TPP2: variants seen among roughly 807,000 people sequenced by gnomAD.
TPP2 encodes the protein tripeptidyl-peptidase 2.
Under a neutral mutation model 155.9 loss-of-function variants are expected in TPP2, and 34 were observed. That is an observed-to-expected ratio of 0.22 (90% CI 0.17 to 0.29). TPP2 has a LOEUF of 0.29. Ranked by LOEUF, TPP2 falls within the 10% of genes least tolerant of loss-of-function variation. The probability of loss-of-function intolerance (pLI) is 1.00; values close to 1 mark genes in which losing one functional copy is unlikely to be tolerated. For synonymous variants in TPP2, 510 were observed against 529.4 expected (o/e 0.96, Z 0.50); for missense variants, 1,028 against 1,522.3 (o/e 0.68, Z 5.40).
chr13:102,603,896 G>A (rs1879617098), intron 1 of TPP2, among the ~76,000 whole-genome samples: 1 of 152,172 alleles, frequency 6.6e-6, no homozygotes, highest in South Asian at 2.1e-4. Flanking sequence ...CCTCATGGAG[G>A]CAAGAGATGG....
At chr13:102,616,279 T>C in intron 3 of TPP2, 117 bp from the exon 4 acceptor site, 1 of 779,420 alleles carries the variant, frequency 1.3e-6, no homozygotes, top group Non-Finnish European at 2.0e-6. Flanking sequence ...TTAAAACCTC[T>C]CTATGAGAAT....
intron 18 of TPP2, 43 bp from the exon 19 acceptor site, chr13:102,644,866 T>A (rs1370054841): frequency 1.5e-5 from 24 of 1,603,060 alleles, no homozygotes; most frequent in Non-Finnish European, 2.0e-5. Context: ...TATTGCTTAT[T>A]TTTAGTAAAG....
At chr13:102,612,282 C>T (rs1880381365) in intron 2 of TPP2, among the ~76,000 whole-genome samples, 1 of 152,158 alleles carries the variant, frequency 6.6e-6, no homozygotes, top group South Asian at 2.1e-4. Flanking sequence ...TCTAAGAGGG[C>T]TTCACTGCAT....
In TPP2 at chr13:102,643,334, T is replaced by C. The variant is rs1193886864; in HGVS notation, c.2133T>C (p.Ser711=). Reference sequence around the variant, plus strand: ...GCCATGAATTCTATAAGTTTTGTTCTCTTCCAGAGAAAGGAACACTGACTG... The same window carrying C: ...GCCATGAATTCTATAAGTTTTGTTCCCTTCCAGAGAAAGGAACACTGACTG... ...YRSHEFYKFC[S]LPEKGTLTEA... Residue 711 remains serine, a synonymous_variant, in exon 17 of 30, where the codon TCT becomes TCC. Transcript: ENST00000376052. 1 of 1,612,492 alleles carries C rather than the reference T, an allele frequency of 6.2e-7. No individual in the cohort carries two copies. The highest frequency in any genetic ancestry group is 8.5e-7 in the Non-Finnish European group (1 of 1,179,440).
chr13:102,654,919 A>G, intron 24 of TPP2: 1 of 475,068 alleles, frequency 2.1e-6, no homozygotes. Context: ...GTGAACCTCA[A>G]GAAGGAGAGG....
intron 28 of TPP2, 80 bp downstream of exon 28, chr13:102,674,570 AGAG>A: frequency 7.3e-7 from 1 of 1,377,826 alleles, no homozygotes; most frequent in Middle Eastern, 2.0e-4. Flanking sequence ...GCTGGTTAAA[AGAG>A]GAAGAAGATA....
chr13:102,634,521 A>C (rs1204429914), intron 11 of TPP2, among the ~76,000 whole-genome samples: 1 of 152,190 alleles, frequency 6.6e-6, no homozygotes, highest in Non-Finnish European at 1.5e-5. Context: ...CACAGGATTA[A>C]ATAGAGTGGC....
At chr13:102,642,312 A>G (rs551580240) in intron 16 of TPP2, among the ~76,000 whole-genome samples, 1 of 152,224 alleles carries the variant, frequency 6.6e-6, no homozygotes, top group African/African-American at 2.4e-5. Flanking sequence ...CTCTGGTAAA[A>G]TGTGCACTGG....
At chr13:102,607,195 G>C (rs1270983623) in intron 2 of TPP2, among the ~76,000 whole-genome samples, 2 of 152,216 alleles carry the variant, frequency 1.3e-5, no homozygotes, top group Non-Finnish European at 2.9e-5. Flanking sequence ...GAGTCATCCA[G>C]TTTACGGTGC....
At chr13:102,621,141 G>A (rs1014613237) in intron 5 of TPP2, among the ~76,000 whole-genome samples, 1 of 152,182 alleles carries the variant, frequency 6.6e-6, no homozygotes, top group African/African-American at 2.4e-5. Context: ...AGAGAAGTCA[G>A]TAATAATTTA....
At chr13:102,614,372 C>T (rs1297034978) in intron 3 of TPP2, among the ~76,000 whole-genome samples, 176 bp downstream of exon 3, 2 of 152,158 alleles carry the variant, frequency 1.3e-5, no homozygotes, top group African/African-American at 4.8e-5. Flanking sequence ...GGAATGTCAT[C>T]CGTGTAAACT....
At chr13:102,603,325 C>A (rs1195630611) in intron 1 of TPP2, among the ~76,000 whole-genome samples, 2 of 152,154 alleles carry the variant, frequency 1.3e-5, no homozygotes, top group Non-Finnish European at 2.9e-5. Flanking sequence ...TGAAGATCAC[C>A]TACTTGTATC....
chr13:102,675,449 G>T (rs1885229005), intron 28 of TPP2, among the ~76,000 whole-genome samples: 1 of 152,140 alleles, frequency 6.6e-6, no homozygotes. Flanking sequence ...TTATCTACAC[G>T]ACCTGCCTTA....
chr13:102,597,136 A>C lies in TPP2; in HGVS notation c.98A>C (p.Tyr33Ser). ...AASFLCRYPE[Y>S]DGRGVLIAVL... is the part of the protein sequence containing the mutation. ...TCCTTCCTCTGCCGCTACCCGGAGT[A>C]TGATGGGCGGGGGGTGCTCATCGCA... The change falls in exon 1 of 30, where the codon TAT (tyrosine) becomes TCT (serine). Residue 33 changes from tyrosine to serine, a missense_variant. Coordinates refer to ENST00000376052, the MANE Select transcript of TPP2 (RefSeq NM_001330588.2). 6.2e-7 allele frequency: 1 copy of C among 1,609,848 alleles called. No individual in the cohort carries two copies. The highest frequency in any genetic ancestry group is 8.5e-7 in the Non-Finnish European group (1 of 1,178,710).
intron 11 of TPP2, 53 bp downstream of exon 11, chr13:102,634,151 T>C: frequency 1.2e-6 from 2 of 1,605,026 alleles, no homozygotes; most frequent in Non-Finnish European, 1.7e-6. Flanking sequence ...ATTTTTGTTT[T>C]CTGAAGCTCT....
chr13:102,647,738 G>A (rs762903206), intron 21 of TPP2, among the ~76,000 whole-genome samples: 7 of 152,204 alleles, frequency 4.6e-5, no homozygotes, highest in Non-Finnish European at 1.0e-4. Flanking sequence ...CACTGCAGCA[G>A]TGGCCGCATG....
chr13:102,612,181 T>C (rs1205661367), intron 2 of TPP2, among the ~76,000 whole-genome samples: 22 of 152,212 alleles, frequency 1.4e-4, no homozygotes, highest in Admixed American at 1.4e-3. Context: ...AGCATGGTAC[T>C]TAGATGCAGT....
chr13:102,606,963 G>A (rs948490393), intron 2 of TPP2, among the ~76,000 whole-genome samples: 1 of 152,164 alleles, frequency 6.6e-6, no homozygotes, highest in Non-Finnish European at 1.5e-5. Context: ...GTTAGATGAG[G>A]TTATGAGTAT....
At chr13:102,629,243 A>G (rs1023143080) in intron 8 of TPP2, among the ~76,000 whole-genome samples, 4 of 152,100 alleles carry the variant, frequency 2.6e-5, no homozygotes, top group Admixed American at 2.6e-4. Context: ...CTTGTAGTAT[A>G]TTTTCCCATA....
Sources: gnomAD v4.1 joint callset for allele counts (sites outside exome capture counted in the v4.1 genomes callset) on GRCh38, gnomAD v4.1.1 for gene constraint, MANE v1.5 for transcripts, NCBI Gene and HGNC (gene_info 2026-07-23, HGNC 2026-07-21) for gene names.